ANK3: variants seen among roughly 807,000 people sequenced by gnomAD.
ANK3 encodes the protein ankyrin-3.
Under a neutral mutation model 370.9 loss-of-function variants are expected in ANK3, and 57 were observed. The observed-to-expected ratio is 0.15, with a 90% confidence interval of 0.12 to 0.19. The LOEUF (loss-of-function observed/expected upper bound fraction) is 0.19, where lower values mean the gene tolerates loss of function less well. Ranked by LOEUF, ANK3 falls within the 10% of genes least tolerant of loss-of-function variation. The pLI, the probability that ANK3 is intolerant of heterozygous loss-of-function variation, is 1.00. For synonymous variants in ANK3, 1,929 were observed against 1,946.3 expected, an observed-to-expected ratio of 0.99 and a Z score of 0.23; for missense variants, 4,439 against 5,302.1, an observed-to-expected ratio of 0.84 and a Z score of 5.06.
rs566958669 is a variant in ANK3 at position 60,342,880 on chromosome 10, T to C, written c.114+46545A>G. Among the ~76,000 whole-genome samples the C allele has an allele frequency of 3.3e-4, 50 of 152,338 alleles. No homozygotes were observed. In the South Asian group the frequency reaches 9.9e-3, roughly 30 times the overall value. The stretch of plus-strand genomic sequence containing the variant: ...GAGAAATGCTATATACCAATCCCTC[T>C]CTTGAAGATTAACAATTCTCATTAG... On this transcript the variant is annotated intron_variant, in intron 1 of 43. Coordinates refer to ENST00000280772, the MANE Select transcript of ANK3 (RefSeq NM_020987.5).
intron 25 of ANK3, among the ~76,000 whole-genome samples, chr10:60,132,987 C>T (rs2094169209): frequency 6.6e-6 from 1 of 152,194 alleles, no homozygotes; most frequent in African/African-American, 2.4e-5. Context: ...CTCTGTAAGG[C>T]CTGCTTATTA....
chr10:60,399,224 G>A (rs2063305882), intron 2 of ANK3, among the ~76,000 whole-genome samples: 1 of 152,064 alleles, frequency 6.6e-6, no homozygotes, highest in Non-Finnish European at 1.5e-5. Context: ...GTTAATGAGT[G>A]TTGCAAATTT....
intron 38 of ANK3, among the ~76,000 whole-genome samples, chr10:60,066,925 A>G (rs2081763140): frequency 6.6e-6 from 1 of 152,006 alleles, no homozygotes; most frequent in South Asian, 2.1e-4. Flanking sequence ...CTTTTATTTT[A>G]TTTTGTTTTA....
chr10:60,548,719 G>T (rs1180232027), intron 2 of ANK3, among the ~76,000 whole-genome samples: 2 of 151,886 alleles, frequency 1.3e-5, no homozygotes, highest in East Asian at 3.9e-4. Context: ...AAATACTATA[G>T]TATAGGATTA....
chr10:60,521,544 GT>G (rs1403567411), intron 2 of ANK3, among the ~76,000 whole-genome samples: 2 of 151,990 alleles, frequency 1.3e-5, no homozygotes, highest in African/African-American at 2.4e-5. Flanking sequence ...GACTGATAAA[GT>G]TTATTTGTAA....
intron 1 of ANK3, among the ~76,000 whole-genome samples, chr10:60,623,334 A>G (rs562219733): frequency 6.6e-6 from 1 of 152,330 alleles, no homozygotes; most frequent in East Asian, 1.9e-4. Flanking sequence ...AAGGAATCAA[A>G]TAAATCTATT....
At chr10:60,617,167 A>T (rs1367981711) in intron 1 of ANK3, among the ~76,000 whole-genome samples, 1 of 152,166 alleles carries the variant, frequency 6.6e-6, no homozygotes, top group Non-Finnish European at 1.5e-5. Context: ...TTTAAATTTT[A>T]TGTAATGAAA....
intron 1 of ANK3, among the ~76,000 whole-genome samples, chr10:60,309,605 C>T (rs1416695747): frequency 6.6e-6 from 1 of 152,044 alleles, no homozygotes; most frequent in Non-Finnish European, 1.5e-5. Context: ...ACTATGACAC[C>T]AACACACATC....
At chr10:60,562,357 T>C (rs2077355292) in intron 2 of ANK3, among the ~76,000 whole-genome samples, 1 of 151,996 alleles carries the variant, frequency 6.6e-6, no homozygotes, top group African/African-American at 2.4e-5. Context: ...GCTAGTATAT[T>C]AATGGCATCT....
rs138986388 is a variant in ANK3 at position 60,070,120 on chromosome 10, C to T, written c.10761G>A (p.Thr3587=). The T allele has an allele frequency of 1.4e-4, 233 of 1,614,076 alleles. 1 individual carries two copies. In the African/African-American group the frequency reaches 2.5e-3, roughly 18 times the overall value. Residue 3587 remains threonine, a synonymous_variant, in exon 37 of 44, where the codon ACG becomes ACA. Coordinates refer to ENST00000280772, the MANE Select transcript of ANK3 (RefSeq NM_020987.5). The surrounding 1 kb of genome is among the most constrained non-coding windows in gnomAD (Gnocchi z 5.7). ...ATTPDTTPAR[T]PTDESTPTSE... Reference sequence around the variant, plus strand: ...TAGTTGGGGTACTTTCATCAGTTGGCGTTCTGGCTGGCGTTGTATCAGGGG... The same window carrying T: ...TAGTTGGGGTACTTTCATCAGTTGGTGTTCTGGCTGGCGTTGTATCAGGGG...
intron 2 of ANK3, among the ~76,000 whole-genome samples, chr10:60,535,915 T>C (rs551333957): frequency 7.3e-6 from 1 of 137,772 alleles, no homozygotes; most frequent in Non-Finnish European, 1.6e-5. Context: ...AAAGCAACTG[T>C]TTGAAACCTC....
chr10:60,231,172 G>T (rs933292965), intron 8 of ANK3, among the ~76,000 whole-genome samples: 1 of 152,146 alleles, frequency 6.6e-6, no homozygotes, highest in African/African-American at 2.4e-5. Flanking sequence ...AGGCACTAGG[G>T]TGAAATTAAA....
intron 2 of ANK3, among the ~76,000 whole-genome samples, chr10:60,419,019 A>G (rs1472441082): frequency 2.0e-5 from 3 of 152,194 alleles, no homozygotes; most frequent in Non-Finnish European, 4.4e-5. Flanking sequence ...GATTTCAAAA[A>G]CAAAGTACAA....
Position 60,088,018 on chromosome 10 carries a change from G to A in ANK3, c.3540+129C>T. Reference sequence around the variant, plus strand: ...TACTTGATGCTTTTTATCTGAAATAGGTAAATGATTCCCCAAACGGCCTAA... The same window carrying A: ...TACTTGATGCTTTTTATCTGAAATAAGTAAATGATTCCCCAAACGGCCTAA... On this transcript the variant is annotated intron_variant, in intron 29 of 43. Transcript: ENST00000280772. 6 of 725,582 alleles carry A rather than the reference G, an allele frequency of 8.3e-6. No homozygotes were observed. In the South Asian group the frequency reaches 1.0e-4, roughly 13 times the overall value. The allele number at this position is 725,582 out of a possible 1,614,324, so 44.9% of individuals were successfully genotyped here.
intron 28 of ANK3, among the ~76,000 whole-genome samples, chr10:60,094,046 T>A (rs1043407104): frequency 1.3e-5 from 2 of 152,154 alleles, no homozygotes; most frequent in African/African-American, 4.8e-5. Flanking sequence ...AATGTGGGAA[T>A]TTCAGGCACT....
chr10:60,561,536 T>A (rs2077334356), intron 2 of ANK3, among the ~76,000 whole-genome samples: 1 of 152,230 alleles, frequency 6.6e-6, no homozygotes, highest in Admixed American at 6.5e-5. Context: ...GCTGTACTGT[T>A]CAGGTATCAT....
rs374184823 is a variant in ANK3 at position 60,381,758 on chromosome 10, C to T, written c.114+7667G>A. ...TTATTTGCAGTATCTCTACTCTTCA[C>T]AACATGTATGTAAAGAAAAAATAGT... On this transcript the variant is annotated intron_variant, in intron 1 of 43. Coordinates refer to ENST00000280772, the MANE Select transcript of ANK3 (RefSeq NM_020987.5). Among the ~76,000 whole-genome samples the T allele has an allele frequency of 1.6e-4, 25 of 152,226 alleles. No individual in the cohort carries two copies. The East Asian group carries it at 4.6e-3, about 28-fold the overall frequency.
chr10:60,660,245 T>C (rs1246642924), intron 1 of ANK3, among the ~76,000 whole-genome samples: 5 of 152,162 alleles, frequency 3.3e-5, no homozygotes, highest in Non-Finnish European at 7.4e-5. Flanking sequence ...AAAATATTTC[T>C]TGAATATACA....
At chr10:60,225,904 G>A (rs1035954089) in intron 8 of ANK3, among the ~76,000 whole-genome samples, 4 of 150,496 alleles carry the variant, frequency 2.7e-5, no homozygotes, top group African/African-American at 9.7e-5. Flanking sequence ...GATTTTTTTA[G>A]TTAATTTTTT....
Sources: gnomAD v4.1 joint callset for allele counts (sites outside exome capture counted in the v4.1 genomes callset) on GRCh38, gnomAD v4.1.1 for gene constraint, Gnocchi (gnomAD v3.1) non-coding constraint, MANE v1.5 for transcripts, NCBI Gene and HGNC (gene_info 2026-07-23, HGNC 2026-07-21) for gene names.